ATRNL1: variants seen among roughly 807,000 people sequenced by gnomAD.
ATRNL1 encodes attractin like 1.
Under a neutral mutation model 182.7 loss-of-function variants are expected in ATRNL1, and 95 were observed. The ratio of observed to expected loss-of-function variants is 0.52; its 90% CI spans 0.44 to 0.62. ATRNL1 has a LOEUF of 0.62. ATRNL1 is among the 20% of genes least tolerant of loss of function. ATRNL1 has a pLI of 0.00. For missense variants in ATRNL1, 1,471 were observed against 1,679.5 expected (o/e 0.88, Z 2.17); for synonymous variants, 576 against 568.3 (o/e 1.01, Z -0.19).
chr10:115,621,442 C>T (rs567915994), intron 26 of ATRNL1, among the ~76,000 whole-genome samples: 2 of 151,928 alleles, frequency 1.3e-5, no homozygotes, highest in East Asian at 1.9e-4. Context: ...ACTGGGGCTA[C>T]AGGCCCATAC....
intron 26 of ATRNL1, among the ~76,000 whole-genome samples, chr10:115,610,144 C>T (rs1252289591): frequency 2.6e-5 from 4 of 152,048 alleles, no homozygotes; most frequent in African/African-American, 9.7e-5. Context: ...ATAAATGAAG[C>T]TTGTAGACGT....
At chr10:115,146,511 C>T (rs782558917) in intron 5 of ATRNL1, among the ~76,000 whole-genome samples, 16 of 152,042 alleles carry the variant, frequency 1.1e-4, no homozygotes, top group Non-Finnish European at 1.0e-4. Context: ...TAGAAATATA[C>T]AATATGTTGT....
intron 20 of ATRNL1, among the ~76,000 whole-genome samples, chr10:115,420,885 C>A (rs55675861): frequency 0.02 from 3,038 of 151,982 alleles, 97 homozygotes; most frequent in African/African-American, 0.069. Flanking sequence ...GATACCACAG[C>A]AATACAAAGG....
At chr10:115,378,644 T>A (rs558769820) in intron 19 of ATRNL1, among the ~76,000 whole-genome samples, 1 of 152,254 alleles carries the variant, frequency 6.6e-6, no homozygotes, top group East Asian at 1.9e-4. Flanking sequence ...GGAGCTGAGA[T>A]TGGGGACCTG....
chr10:115,380,307 C>T (rs1294447826), intron 19 of ATRNL1, among the ~76,000 whole-genome samples: 1 of 152,066 alleles, frequency 6.6e-6, no homozygotes, highest in Non-Finnish European at 1.5e-5. Flanking sequence ...TAGTGTTCTA[C>T]AGTATTTCAT....
intron 28 of ATRNL1, among the ~76,000 whole-genome samples, chr10:115,873,294 T>C (rs1192074359): frequency 6.6e-6 from 1 of 152,186 alleles, no homozygotes; most frequent in Non-Finnish European, 1.5e-5. Flanking sequence ...GACCCTAAAG[T>C]AGCAAATATT....
chr10:115,807,734 C>T (rs1949954097), intron 27 of ATRNL1, among the ~76,000 whole-genome samples: 1 of 152,186 alleles, frequency 6.6e-6, no homozygotes, highest in Non-Finnish European at 1.5e-5. Context: ...TTAAGGCCTA[C>T]TGCTTTGACT....
chr10:115,156,581 G>A lies in ATRNL1; in HGVS notation c.830-3459G>A, dbSNP rs149053454. 4.4e-3 allele frequency among the ~76,000 whole-genome samples: 675 copies of A among 152,126 alleles called. 1 individual carries two copies. Among genetic ancestry groups the A allele is most frequent in the Non-Finnish European group, 7.1e-3 (485 of 67,972 alleles). Reference sequence around the variant, plus strand: ...CCCTTAAAAAATCTCTCAGCAGCCCGACACTAATGCTTAAAGTTACAGTGT... The same window carrying A: ...CCCTTAAAAAATCTCTCAGCAGCCCAACACTAATGCTTAAAGTTACAGTGT... On this transcript the variant is annotated intron_variant, in intron 5 of 28. Transcript: ENST00000355044.
intron 18 of ATRNL1, among the ~76,000 whole-genome samples, chr10:115,328,796 T>A (rs947009262): frequency 6.6e-6 from 1 of 152,056 alleles, no homozygotes; most frequent in East Asian, 1.9e-4. Flanking sequence ...CTGAAAAATA[T>A]TTCATTGTGT....
At chr10:115,450,773 T>C (rs1847241074) in intron 21 of ATRNL1, among the ~76,000 whole-genome samples, 1 of 152,128 alleles carries the variant, frequency 6.6e-6, no homozygotes, top group Non-Finnish European at 1.5e-5. Context: ...AGAACAAAAC[T>C]ATTTTAAACT....
chr10:115,247,041 A>C (rs2133832705), intron 10 of ATRNL1, among the ~76,000 whole-genome samples: 1 of 152,316 alleles, frequency 6.6e-6, no homozygotes, highest in African/African-American at 2.4e-5. Context: ...CTAAACTAAA[A>C]ATGGATCAAA....
intron 13 of ATRNL1, among the ~76,000 whole-genome samples, chr10:115,278,562 C>T (rs78647288): frequency 0.012 from 1,787 of 152,292 alleles, 34 homozygotes; most frequent in African/African-American, 0.04. Context: ...CAGTTGGCAG[C>T]ATGTGTTTGG....
At chr10:115,380,601 G>T (rs1857943812) in intron 19 of ATRNL1, among the ~76,000 whole-genome samples, 1 of 151,884 alleles carries the variant, frequency 6.6e-6, no homozygotes, top group African/African-American at 2.4e-5. Context: ...TTATTCTTCT[G>T]GAAATTTCAT....
At chr10:115,679,387 C>G (rs1555043954) in intron 26 of ATRNL1, among the ~76,000 whole-genome samples, 1 of 151,856 alleles carries the variant, frequency 6.6e-6, no homozygotes, top group African/African-American at 2.4e-5. Flanking sequence ...CACTGGGCTT[C>G]TTATCTGTTT....
chr10:115,720,688 A>T (rs1947395209), intron 26 of ATRNL1, among the ~76,000 whole-genome samples: 2 of 152,348 alleles, frequency 1.3e-5, no homozygotes, highest in South Asian at 4.1e-4. Context: ...TATACACCAA[A>T]GTTTACAGAA....
chr10:115,343,227 C>G (rs143793075), intron 19 of ATRNL1, among the ~76,000 whole-genome samples: 2 of 152,012 alleles, frequency 1.3e-5, no homozygotes, highest in Non-Finnish European at 2.9e-5. Flanking sequence ...TTATCTGTTT[C>G]ACTTCTTCCT....
chr10:115,832,931 A>C (rs1274275289), intron 27 of ATRNL1, among the ~76,000 whole-genome samples: 1 of 152,206 alleles, frequency 6.6e-6, no homozygotes, highest in Non-Finnish European at 1.5e-5. Flanking sequence ...ATGAAGTATC[A>C]AGGTAATTCC....
chr10:115,325,309 A>G (rs1490563085), intron 18 of ATRNL1, among the ~76,000 whole-genome samples: 2 of 152,134 alleles, frequency 1.3e-5, no homozygotes, highest in Non-Finnish European at 2.9e-5. Flanking sequence ...GTAAACCTCA[A>G]CACTCTTATG....
At chr10:115,372,849 A>G (rs1222590440) in intron 19 of ATRNL1, among the ~76,000 whole-genome samples, 1 of 152,174 alleles carries the variant, frequency 6.6e-6, no homozygotes, top group Admixed American at 6.5e-5. Context: ...TGCTATGGCT[A>G]TATGAGCTAT....
Sources: gnomAD v4.1 joint callset for allele counts (sites outside exome capture counted in the v4.1 genomes callset) on GRCh38, gnomAD v4.1.1 for gene constraint, MANE v1.5 for transcripts, NCBI Gene and HGNC (gene_info 2026-07-23, HGNC 2026-07-21) for gene names.